NCKAP5: variants seen among roughly 807,000 people sequenced by gnomAD.
The protein encoded by NCKAP5 is nck-associated protein 5.
In NCKAP5, 92 loss-of-function variants were observed where a neutral mutation model predicts 167.0. That is an observed-to-expected ratio of 0.55 (90% confidence interval 0.47 to 0.66). NCKAP5 has a LOEUF of 0.66. Among genes scored for constraint, NCKAP5 ranks in the 30% least tolerant of loss-of-function variants. The pLI, the probability that NCKAP5 is intolerant of heterozygous loss-of-function variation, is 0.00. For synonymous variants in NCKAP5, 891 were observed against 877.4 expected (o/e 1.02, Z -0.27); for missense variants, 2,378 against 2,315.0 (o/e 1.03, Z -0.56).
chr2:132,710,518 C>A (rs1219798603), intron 19 of NCKAP5, among the ~76,000 whole-genome samples: 2 of 152,168 alleles, frequency 1.3e-5, no homozygotes, highest in Non-Finnish European at 2.9e-5. Flanking sequence ...CTTCCCACCC[C>A]AAAGCCATTA....
intron 8 of NCKAP5, among the ~76,000 whole-genome samples, chr2:132,934,135 T>G (rs1696658512): frequency 3.3e-5 from 5 of 152,202 alleles, no homozygotes; most frequent in Admixed American, 3.3e-4. Flanking sequence ...AAGTTGTTGG[T>G]GTATGGCCAA....
chr2:133,191,853 G>A (rs183811051), intron 5 of NCKAP5, among the ~76,000 whole-genome samples: 8 of 152,054 alleles, frequency 5.3e-5, no homozygotes, highest in Admixed American at 2.6e-4. Context: ...CACCAACATG[G>A]CACATGTATA....
intron 3 of NCKAP5, among the ~76,000 whole-genome samples, chr2:133,381,787 C>T (rs996510092): frequency 6.6e-6 from 1 of 152,222 alleles, no homozygotes; most frequent in Non-Finnish European, 1.5e-5. Context: ...TACAAATACA[C>T]ATGTGGATTC....
In NCKAP5 at chr2:133,393,067, C is replaced by A. The variant is rs536556255; in HGVS notation, c.70-89957G>T. The stretch of plus-strand genomic sequence containing the variant: ...GTTTGCTGAATCAAGAGCCACTGAC[C>A]GATTTGACAGCTCCATATTCAAACT... On this transcript the variant is annotated intron_variant, in intron 3 of 19. Transcript: ENST00000409261. Among the ~76,000 whole-genome samples the A allele has an allele frequency of 2.6e-5, 4 of 152,280 alleles. No individual in the cohort carries two copies. In the South Asian group the frequency reaches 8.3e-4, roughly 32 times the overall value.
chr2:133,036,693 C>CA (rs1345630400), intron 6 of NCKAP5, among the ~76,000 whole-genome samples: 1 of 151,978 alleles, frequency 6.6e-6, no homozygotes, highest in Non-Finnish European at 1.5e-5. Flanking sequence ...CCATATATGA[C>CA]AGACCCACAG....
chr2:132,725,198 A>G (rs949216345), intron 19 of NCKAP5, among the ~76,000 whole-genome samples: 1 of 152,262 alleles, frequency 6.6e-6, no homozygotes, highest in Admixed American at 6.5e-5. Context: ...TCAACCTCAC[A>G]AACAGACCTG....
At chr2:133,656,509 T>C in the NCKAP5 span, among the ~76,000 whole-genome samples, 2 of 152,242 alleles carry the variant, frequency 1.3e-5, no homozygotes, top group African/African-American at 4.8e-5. Context: ...GACTTCTAAG[T>C]GAGAAGAAAG....
Position 133,212,774 on chromosome 2 carries a change from G to C in NCKAP5, c.207+942C>G, listed in dbSNP as rs1384700099. 2.0e-5 allele frequency among the ~76,000 whole-genome samples: 3 copies of C among 152,134 alleles called. No homozygotes were observed. The East Asian group carries it at 5.8e-4, about 29-fold the overall frequency. ...TTCCTAAGTATTTTAGCATGTTCAA[G>C]GGCCACTGTGCCTTCCAGACCCCAC... On this transcript the variant is annotated intron_variant, in intron 5 of 19. Coordinates refer to ENST00000409261, the MANE Select transcript of NCKAP5 (RefSeq NM_207363.3).
Position 132,718,074 on chromosome 2 carries a change from G to A in NCKAP5, c.5713+7553C>T, listed in dbSNP as rs954070390. ...CTAGAAAACAATGGTTTTGGGTACTGGATTACCTTCTCTCTCAGACTTGTT... is the reference window on the plus strand; with the variant it reads ...CTAGAAAACAATGGTTTTGGGTACTAGATTACCTTCTCTCTCAGACTTGTT... On this transcript the variant is annotated intron_variant, in intron 19 of 19. Coordinates refer to ENST00000409261, the MANE Select transcript of NCKAP5 (RefSeq NM_207363.3). Among the ~76,000 whole-genome samples, 5 of 152,172 alleles carry A rather than the reference G, an allele frequency of 3.3e-5. No individual in the cohort carries two copies. In the East Asian group the frequency reaches 9.6e-4, roughly 29 times the overall value.
Position 132,835,229 on chromosome 2 carries a change from G to C in NCKAP5, c.807+25263C>G, listed in dbSNP as rs141914599. On this transcript the variant is annotated intron_variant, in intron 11 of 19. Transcript: ENST00000409261. ...ATTCTGTTTGCTTGTATTTTGTTGA[G>C]GATTTTTGCATCTATATTCATCAGG... 6.2e-4 allele frequency among the ~76,000 whole-genome samples: 94 copies of C among 152,078 alleles called. 1 individual carries two copies. The highest frequency in any genetic ancestry group is 2.2e-3 in the African/African-American group (92 of 41,494).
chr2:133,411,228 G>A (rs1688752358), intron 3 of NCKAP5, among the ~76,000 whole-genome samples: 1 of 152,228 alleles, frequency 6.6e-6, no homozygotes, highest in African/African-American at 2.4e-5. Flanking sequence ...AGTAGTAGCA[G>A]ACCAGGGCCC....
chr2:133,561,628 A>G (rs1688164911), intron 1 of NCKAP5, among the ~76,000 whole-genome samples: 1 of 152,214 alleles, frequency 6.6e-6, no homozygotes, highest in Non-Finnish European at 1.5e-5. Context: ...TTACCCAAAT[A>G]TGAGTAACTG....
chr2:132,698,896 A>G (rs982986697), intron 19 of NCKAP5, among the ~76,000 whole-genome samples: 1 of 152,154 alleles, frequency 6.6e-6, no homozygotes, highest in African/African-American at 2.4e-5. Flanking sequence ...ACCCAGATCC[A>G]GTGAACCAGA....
At chr2:132,910,604 C>G (rs1215142711) in intron 8 of NCKAP5, among the ~76,000 whole-genome samples, 1 of 152,170 alleles carries the variant, frequency 6.6e-6, no homozygotes, top group Non-Finnish European at 1.5e-5. Context: ...GGATCACATT[C>G]TTTTTCATGG....
intron 8 of NCKAP5, among the ~76,000 whole-genome samples, chr2:132,950,127 ACTTT>A (rs763545722): frequency 6.6e-6 from 1 of 152,132 alleles, no homozygotes; most frequent in African/African-American, 2.4e-5. Context: ...AAAAGAAATT[ACTTT>A]AGTCTGTTCA....
At chr2:133,077,579 A>G (rs2080649183) in intron 6 of NCKAP5, among the ~76,000 whole-genome samples, 1 of 152,194 alleles carries the variant, frequency 6.6e-6, no homozygotes, top group Non-Finnish European at 1.5e-5. Flanking sequence ...TGCCAACATG[A>G]AAACAAGCCC....
intron 4 of NCKAP5, chr2:133,267,501 G>A (rs537042994): frequency 5.3e-5 from 8 of 152,180 alleles, no homozygotes; most frequent in African/African-American, 1.4e-4. Context: ...AAAGCTCTTG[G>A]GGGGGAGAAC....
chr2:133,388,844 G>A (rs777755312), intron 3 of NCKAP5, among the ~76,000 whole-genome samples: 3 of 152,234 alleles, frequency 2.0e-5, no homozygotes, highest in Non-Finnish European at 4.4e-5. Context: ...CCAGGTGTGG[G>A]ATATAATCTC....
chr2:132,889,156 G>T (rs1692478571), intron 8 of NCKAP5, among the ~76,000 whole-genome samples: 1 of 152,098 alleles, frequency 6.6e-6, no homozygotes, highest in Non-Finnish European at 1.5e-5. Flanking sequence ...GCCAGCCATG[G>T]GAGTGAAGGA....
Sources: allele counts gnomAD v4.1 joint callset (sites outside exome capture counted in the v4.1 genomes callset), GRCh38; gene constraint gnomAD v4.1.1; transcripts MANE v1.5; gene names NCBI Gene and HGNC (gene_info 2026-07-23, HGNC 2026-07-21).